Variants in PLCH1 observed in about 807,000 individuals in gnomAD.
PLCH1 encodes phospholipase C eta 1.
Under a neutral mutation model 126.7 loss-of-function variants are expected in PLCH1, and 60 were observed. The observed-to-expected ratio is 0.47, with a 90% CI of 0.38 to 0.59. PLCH1 has a LOEUF of 0.59. PLCH1 is among the 20% of genes least tolerant of loss of function. PLCH1 has a pLI of 0.00. For missense variants in PLCH1, 1,723 were observed against 2,040.0 expected (o/e 0.84, Z 2.99); for synonymous variants, 719 against 734.9 (o/e 0.98, Z 0.35).
intron 8 of PLCH1, among the ~76,000 whole-genome samples, chr3:155,563,469 C>A (rs1332424454): frequency 6.6e-6 from 1 of 152,056 alleles, no homozygotes. Context: ...TTTTCTCTCA[C>A]CAGTTTCCAC....
intron 11 of PLCH1, 40 bp downstream of exon 11, chr3:155,523,857 C>G: frequency 1.8e-6 from 2 of 1,137,118 alleles, no homozygotes; most frequent in South Asian, 1.3e-5. Context: ...TTTAATACAG[C>G]ATATCAAGGA....
At chr3:155,628,042 C>G (rs1051634651) in intron 2 of PLCH1, among the ~76,000 whole-genome samples, 2 of 152,096 alleles carry the variant, frequency 1.3e-5, no homozygotes, top group Non-Finnish European at 2.9e-5. Flanking sequence ...GCTGGGATTA[C>G]AGGTGTGAGC....
intron 21 of PLCH1, among the ~76,000 whole-genome samples, chr3:155,471,032 A>C (rs868584508): frequency 0.029 from 4,398 of 151,708 alleles, 73 homozygotes; most frequent in Non-Finnish European, 0.048. Flanking sequence ...CGAGCAAAAT[A>C]ACCAGCTAAC....
intron 21 of PLCH1, among the ~76,000 whole-genome samples, chr3:155,458,096 C>T (rs1327650262): frequency 2.6e-5 from 4 of 152,034 alleles, no homozygotes; most frequent in Non-Finnish European, 5.9e-5. Flanking sequence ...AGTCCCGGCA[C>T]TCTGGGAGGC....
intron 10 of PLCH1, among the ~76,000 whole-genome samples, chr3:155,537,222 A>C (rs1723538310): frequency 1.4e-3 from 16 of 11,474 alleles, no homozygotes; most frequent in African/African-American, 2.0e-3. Context: ...AAAAAAAAAA[A>C]AAAAAAAAAA....
intron 8 of PLCH1, among the ~76,000 whole-genome samples, chr3:155,563,070 C>G (rs1727846583): frequency 6.6e-6 from 1 of 152,132 alleles, no homozygotes; most frequent in South Asian, 2.1e-4. Context: ...CTTTCTAACC[C>G]TTTCATCCTT....
intron 7 of PLCH1, among the ~76,000 whole-genome samples, chr3:155,566,164 C>T (rs1392061108): frequency 6.8e-3 from 244 of 36,094 alleles, no homozygotes; most frequent in Middle Eastern, 0.028. Flanking sequence ...TATACACATA[C>T]ATATATACAC....
intron 2 of PLCH1, among the ~76,000 whole-genome samples, chr3:155,615,039 A>G (rs976947741): frequency 2.6e-5 from 4 of 152,206 alleles, no homozygotes; most frequent in East Asian, 1.9e-4. Context: ...TATGAATCCA[A>G]CGAAGGACTA....
intron 12 of PLCH1, among the ~76,000 whole-genome samples, chr3:155,513,621 G>A (rs1032589601): frequency 2.0e-5 from 3 of 152,132 alleles, no homozygotes; most frequent in Non-Finnish European, 4.4e-5. Context: ...CGAGGAGGGT[G>A]GAAAGATTGT....
intron 1 of PLCH1, among the ~76,000 whole-genome samples, chr3:155,741,868 G>C (rs1405309265): frequency 6.6e-6 from 1 of 151,868 alleles, no homozygotes; most frequent in Non-Finnish European, 1.5e-5. Flanking sequence ...CAAGGTTTCT[G>C]TTTCTTCTAA....
At chr3:155,732,583 A>G (rs1379196378) in intron 1 of PLCH1, among the ~76,000 whole-genome samples, 1 of 152,080 alleles carries the variant, frequency 6.6e-6, no homozygotes, top group Non-Finnish European at 1.5e-5. Flanking sequence ...ATCAAAACTA[A>G]AAAATCAGTT....
chr3:155,472,439 G>C (rs1197441271), intron 21 of PLCH1, among the ~76,000 whole-genome samples: 1 of 152,046 alleles, frequency 6.6e-6, no homozygotes, highest in Non-Finnish European at 1.5e-5. Context: ...AAAATCAATA[G>C]TTTACCAACC....
intron 2 of PLCH1, among the ~76,000 whole-genome samples, chr3:155,659,854 G>A (rs990108365): frequency 6.6e-6 from 1 of 151,768 alleles, no homozygotes; most frequent in South Asian, 2.1e-4. Context: ...GGATAGACTC[G>A]AACTCCTGGG....
At chr3:155,516,324 A>G (rs1053141717) in intron 11 of PLCH1, among the ~76,000 whole-genome samples, 1 of 152,210 alleles carries the variant, frequency 6.6e-6, no homozygotes, top group African/African-American at 2.4e-5. Context: ...AAGGCCCCAC[A>G]AAAGAGGTGG....
chr3:155,714,296 G>A (rs1257519086), intron 1 of PLCH1, among the ~76,000 whole-genome samples: 1 of 152,064 alleles, frequency 6.6e-6, no homozygotes, highest in Non-Finnish European at 1.5e-5. Context: ...GGGGTGGGAG[G>A]GGCCAGGGAT....
Position 155,504,615 on chromosome 3 carries a change from T to C in PLCH1, c.1644A>G (p.Val548=). 1.2e-6 allele frequency: 2 copies of C among 1,602,234 alleles called. No homozygotes were observed. The highest frequency in any genetic ancestry group is 1.7e-6 in the Non-Finnish European group (2 of 1,169,202). The change falls in exon 13 of 23, where the codon GTA becomes GTG. Residue 548 remains valine (V), a synonymous_variant. Transcript: ENST00000460012. ...CATGTGATTTCTTTCCACTTTCCTT[T>C]ACATCTGGACTCTGAATAAATAAAG... is the stretch of plus-strand genomic sequence containing the variant. ...LNAHLKQSPD[V]KESGKKSHGR...
intron 2 of PLCH1, among the ~76,000 whole-genome samples, chr3:155,634,830 A>G (rs1409920413): frequency 6.6e-6 from 1 of 152,240 alleles, no homozygotes. Context: ...ATTTCTTTAA[A>G]TGACAGAGTG....
intron 2 of PLCH1, among the ~76,000 whole-genome samples, chr3:155,675,580 GA>G (rs1744005993): frequency 6.6e-6 from 1 of 152,108 alleles, no homozygotes; most frequent in African/African-American, 2.4e-5. Flanking sequence ...GATTATTGTA[GA>G]AAGTTAAAAT....
intron 2 of PLCH1, among the ~76,000 whole-genome samples, chr3:155,602,828 C>T: frequency 6.6e-6 from 1 of 152,176 alleles, no homozygotes; most frequent in East Asian, 1.9e-4. Context: ...AATCTACACA[C>T]ACACACATAT....
Sources: gnomAD v4.1 joint callset for allele counts (sites outside exome capture counted in the v4.1 genomes callset) on GRCh38, gnomAD v4.1.1 for gene constraint, MANE v1.5 for transcripts, NCBI Gene and HGNC (gene_info 2026-07-23, HGNC 2026-07-21) for gene names.